The following SFXN5 variants were observed in gnomAD, a reference collection of about 807,000 sequenced individuals.
The protein encoded by SFXN5 is sideroflexin 5, also known as sideroflexin-5.
In SFXN5, 43 loss-of-function variants were observed where a neutral mutation model predicts 50.2. That is an observed-to-expected ratio of 0.86 (90% confidence interval 0.67 to 1.11). The LOEUF is 1.11. SFXN5 is among the 50% of genes least tolerant of loss of function. SFXN5 has a pLI of 0.00. For missense variants in SFXN5, 463 were observed against 454.1 expected, an observed-to-expected ratio of 1.02 and a Z score of -0.18; for synonymous variants, 203 against 185.8, an observed-to-expected ratio of 1.09 and a Z score of -0.75.
At position 72,992,638 on chromosome 2, in the gene SFXN5, T is replaced by A. The variant is rs1672734769; in HGVS notation, c.535-4290A>T. ...CCTGGGGCCCACGTGTAACCATGGC[T>A]CCCTGGTGCATCTCCCGGATGTCAT... On this transcript the variant is annotated intron_variant, in intron 9 of 13. Coordinates refer to ENST00000272433, the MANE Select transcript of SFXN5 (RefSeq NM_144579.3). The surrounding 1 kb of genome is among the most constrained non-coding windows in gnomAD (Gnocchi z 4.5). Among the ~76,000 whole-genome samples the A allele has an allele frequency of 6.6e-6, 1 of 152,156 alleles. No homozygotes were observed. The highest frequency in any genetic ancestry group is 2.1e-4 in the South Asian group (1 of 4,824).
intron 9 of SFXN5, among the ~76,000 whole-genome samples, chr2:72,989,436 G>A (rs1243666216): frequency 1.3e-5 from 2 of 152,142 alleles, no homozygotes; most frequent in Non-Finnish European, 2.9e-5. Flanking sequence ...GTATAAGAAT[G>A]TATGTAAGTG....
intron 6 of SFXN5, among the ~76,000 whole-genome samples, chr2:73,010,065 C>T (rs1000799916): frequency 1.3e-5 from 2 of 152,164 alleles, no homozygotes; most frequent in African/African-American, 2.4e-5. Flanking sequence ...GATGATACCA[C>T]CAAATTGTAT....
In SFXN5 at chr2:73,040,898, C is replaced by T; in HGVS notation, c.205G>A (p.Asp69Asn). ...GGGCGCAGGGTCCCATGCTTATAGTCCTCCAGCAGCTGCACAGCCTCTCTG... is the reference window on the plus strand; with the variant it reads ...GGGCGCAGGGTCCCATGCTTATAGTTCTCCAGCAGCTGCACAGCCTCTCTG... ...RLREAVQLLE[D>N]YKHGTLRPGV... The change falls in exon 3 of 14, where the codon GAC becomes AAC. Residue 69 changes from aspartate (D) to asparagine (N), a missense_variant. By Grantham distance (23) the Asp-to-Asn change is conservative. Coordinates refer to ENST00000272433, the MANE Select transcript of SFXN5 (RefSeq NM_144579.3). 3.1e-6 allele frequency: 5 copies of T among 1,613,194 alleles called. No individual in the cohort carries two copies. Among genetic ancestry groups the T allele is most frequent in the Non-Finnish European group, 4.2e-6 (5 of 1,179,748 alleles).
chr2:72,966,376 C>T (rs184101731), intron 12 of SFXN5, among the ~76,000 whole-genome samples: 13 of 152,314 alleles, frequency 8.5e-5, no homozygotes, highest in East Asian at 3.9e-4. Context: ...TCACCTGCCC[C>T]GCTTGCTCCC....
intron 13 of SFXN5, among the ~76,000 whole-genome samples, chr2:72,952,395 A>G (rs889781812): frequency 7.9e-5 from 12 of 152,156 alleles, no homozygotes; most frequent in Non-Finnish European, 1.5e-5. Flanking sequence ...TGCACTCTAA[A>G]CAGGGGTGAC....
chr2:72,990,384 G>A (rs935297898), intron 9 of SFXN5, among the ~76,000 whole-genome samples: 2 of 152,082 alleles, frequency 1.3e-5, no homozygotes, highest in African/African-American at 4.8e-5. Flanking sequence ...TGCTGCCCCC[G>A]CCACATGAAT....
chr2:72,985,224 C>T (rs1671761942), intron 10 of SFXN5, among the ~76,000 whole-genome samples: 1 of 152,220 alleles, frequency 6.6e-6, no homozygotes. Context: ...TCAAGCACAG[C>T]CTGAGCCAGC....
At chr2:73,067,432 G>A (rs1683257273) in intron 1 of SFXN5, among the ~76,000 whole-genome samples, 1 of 152,312 alleles carries the variant, frequency 6.6e-6, no homozygotes, top group South Asian at 2.1e-4. Context: ...TGTAGTTAAC[G>A]ATAATGTACC....
chr2:73,011,150 C>T (rs1258692845), intron 6 of SFXN5, among the ~76,000 whole-genome samples: 1 of 152,230 alleles, frequency 6.6e-6, no homozygotes, highest in Admixed American at 6.5e-5. Context: ...AACTCCTCAG[C>T]TCAAGTAATC....
intron 10 of SFXN5, among the ~76,000 whole-genome samples, chr2:72,977,653 C>G (rs541620119): frequency 6.6e-6 from 1 of 152,120 alleles, no homozygotes; most frequent in Non-Finnish European, 1.5e-5. Context: ...GATAAAGAAT[C>G]CTTCCTGGTA....
In SFXN5 at chr2:72,968,522, C is replaced by T. The variant is rs1674745842; in HGVS notation, c.753G>A (p.Glu251=). The change falls in exon 12 of 14, where the codon GAG becomes GAA. Residue 251 remains glutamate (E), a synonymous_variant. Transcript: ENST00000272433. ...GCAGGACCACTCGCGTCAGCGCCGTCTCCAGCAGGGCCTGAGGGGCAGGCA... is the reference window on the plus strand; with the variant it reads ...GCAGGACCACTCGCGTCAGCGCCGTTTCCAGCAGGGCCTGAGGGGCAGGCA... ...SKIAARHALL[E]TALTRVVLPM... 5 of 1,613,438 alleles carry T rather than the reference C, an allele frequency of 3.1e-6. No homozygotes were observed. The East Asian group carries it at 1.1e-4, about 36-fold the overall frequency.
chr2:73,039,842 G>A (rs1043649554), intron 3 of SFXN5, among the ~76,000 whole-genome samples: 2 of 148,754 alleles, frequency 1.3e-5, no homozygotes, highest in East Asian at 2.0e-4. Context: ...ACAGAGTTTC[G>A]CTTTGTTGCC....
At chr2:73,002,879 C>A (rs1056323771) in intron 6 of SFXN5, among the ~76,000 whole-genome samples, 1 of 152,166 alleles carries the variant, frequency 6.6e-6, no homozygotes, top group Non-Finnish European at 1.5e-5. Flanking sequence ...AGATTCAGCT[C>A]CATCCCCATG....
intron 13 of SFXN5, among the ~76,000 whole-genome samples, chr2:72,947,574 T>C (rs1335640061): frequency 6.6e-6 from 1 of 152,220 alleles, no homozygotes; most frequent in Admixed American, 6.5e-5. Flanking sequence ...CAGAAGGTGG[T>C]ACAGGCCAGC....
intron 1 of SFXN5, chr2:73,059,966 G>A (rs1682615889): frequency 1.4e-6 from 1 of 706,234 alleles, no homozygotes; most frequent in Admixed American, 6.3e-5. Context: ...TGAATACTAT[G>A]CAGCCTTTAA....
chr2:73,006,688 A>G (rs1336292681), intron 6 of SFXN5, among the ~76,000 whole-genome samples: 3 of 152,224 alleles, frequency 2.0e-5, no homozygotes, highest in South Asian at 2.1e-4. Flanking sequence ...TCTACACAAC[A>G]CTATGGTAGC....
At chr2:73,006,817 C>T (rs1193729385) in intron 6 of SFXN5, among the ~76,000 whole-genome samples, 1 of 152,192 alleles carries the variant, frequency 6.6e-6, no homozygotes, top group Admixed American at 6.5e-5. Context: ...GGGATGCTGG[C>T]TCCTAAGCAG....
chr2:72,990,174 G>C (rs1165461486), intron 9 of SFXN5, among the ~76,000 whole-genome samples: 1 of 152,258 alleles, frequency 6.6e-6, no homozygotes, highest in Non-Finnish European at 1.5e-5. Context: ...CGTGGAGCCA[G>C]AGTACTTCCT....
intron 10 of SFXN5, among the ~76,000 whole-genome samples, chr2:72,972,421 G>A (rs1180313232): frequency 4.6e-5 from 7 of 152,242 alleles, no homozygotes; most frequent in South Asian, 2.1e-4. Context: ...ATGGCTGAGT[G>A]CCTGCCTTTG....
Sources: allele counts gnomAD v4.1 joint callset (sites outside exome capture counted in the v4.1 genomes callset), GRCh38; gene constraint gnomAD v4.1.1; non-coding constraint Gnocchi (gnomAD v3.1); transcripts MANE v1.5; gene names NCBI Gene and HGNC (gene_info 2026-07-23, HGNC 2026-07-21).